Variants in DDX46 observed in about 807,000 individuals in gnomAD.
DDX46 encodes the protein DEAD-box helicase 46.
In DDX46, 30 loss-of-function variants were observed where a neutral mutation model predicts 134.9. The observed-to-expected ratio is 0.22, with a 90% CI of 0.17 to 0.30. The LOEUF (loss-of-function observed/expected upper bound fraction) is 0.30. Among genes scored for constraint, DDX46 ranks in the 10% least tolerant of loss-of-function variants. DDX46 has a pLI of 1.00. For missense variants in DDX46, 622 were observed against 1,248.7 expected (o/e 0.50, Z 7.56); for synonymous variants, 415 against 404.1 (o/e 1.03, Z -0.32).
At chr5:134,775,079 C>G (rs13163398) in intron 5 of DDX46, among the ~76,000 whole-genome samples, 1,960 of 152,158 alleles carry the variant, frequency 0.013, 43 homozygotes, top group Non-Finnish European at 0.019. Context: ...TTTGGCCTCC[C>G]ATAGTGCTGG....
chr5:134,806,341 G>C (rs900663205), intron 15 of DDX46, among the ~76,000 whole-genome samples: 9 of 152,144 alleles, frequency 5.9e-5, no homozygotes, highest in Non-Finnish European at 1.3e-4. Context: ...ACTATGTGTT[G>C]GGTTGGTATG....
chr5:134,808,863 C>A (rs897671633), intron 16 of DDX46, among the ~76,000 whole-genome samples: 13 of 152,106 alleles, frequency 8.5e-5, no homozygotes, highest in African/African-American at 3.1e-4. Context: ...TATTTATATG[C>A]CATAGCTTAC....
intron 21 of DDX46, chr5:134,826,484 T>G (rs1242682570): frequency 9.8e-5 from 15 of 152,534 alleles, no homozygotes; most frequent in Admixed American, 9.8e-4. Flanking sequence ...TATGGTATCT[T>G]TCCTCCCTCC....
intron 10 of DDX46, 88 bp from the exon 11 acceptor site, chr5:134,785,377 A>T: frequency 7.2e-7 from 1 of 1,385,028 alleles, no homozygotes; most frequent in Non-Finnish European, 9.4e-7. Context: ...AAACAATCTG[A>T]ACTTTATTGT....
chr5:134,818,121 TGTATTTTTA>T lies in DDX46; in HGVS notation c.2832+420_2832+428del, dbSNP rs779668924. Among the ~76,000 whole-genome samples, 120 of 152,028 alleles carry T rather than the reference TGTATTTTTA, an allele frequency of 7.9e-4. 1 individual carries two copies. Among genetic ancestry groups the T allele is most frequent in the Admixed American group, 8.5e-4 (13 of 15,266 alleles). On this transcript the variant is annotated intron_variant, in intron 20 of 22. Coordinates refer to ENST00000452510, the MANE Select transcript of DDX46 (RefSeq NM_001300860.2). ...TGCGCCACCATGCCCAGCTTATTTTTGTATTTTTAGTATTTTTAGTAGAGACAGGGCTTC... is the reference window on the plus strand; with the variant it reads ...TGCGCCACCATGCCCAGCTTATTTTTGTATTTTTAGTAGAGACAGGGCTTC...
chr5:134,768,921 G>C (rs1471414414), intron 3 of DDX46, among the ~76,000 whole-genome samples: 1 of 152,056 alleles, frequency 6.6e-6, no homozygotes, highest in Non-Finnish European at 1.5e-5. Context: ...AGTCAGGTGT[G>C]GTGGCACACA....
At chr5:134,775,932 C>T (rs549605096) in intron 5 of DDX46, among the ~76,000 whole-genome samples, 60 of 152,294 alleles carry the variant, frequency 3.9e-4, no homozygotes, top group Non-Finnish European at 7.9e-4. Context: ...CACCAACCCC[C>T]ACACAGTGAA....
chr5:134,781,730 G>C (rs879515585), intron 7 of DDX46, among the ~76,000 whole-genome samples, 191 bp from the exon 8 acceptor site: 2 of 152,146 alleles, frequency 1.3e-5, no homozygotes, highest in Non-Finnish European at 2.9e-5. Context: ...CATTTGAGGT[G>C]ATTTTAAAAT....
Position 134,829,002 on chromosome 5 carries a change from G to T in DDX46, c.*296G>T. On this transcript the variant is annotated 3_prime_UTR_variant, in exon 23 of 23. Coordinates refer to ENST00000452510, the MANE Select transcript of DDX46 (RefSeq NM_001300860.2). ...AGAGGTTTAAAAAATGGAAATATTT[G>T]AACTTTCTATTGAAGACAATAAAGT... 4.6e-6 allele frequency: 1 copy of T among 218,708 alleles called. No homozygotes were observed. The highest frequency in any genetic ancestry group is 8.9e-6 in the Non-Finnish European group (1 of 111,940). The allele number at this position is 218,708 out of a possible 1,614,324, so 13.5% of individuals were successfully genotyped here. A position where few individuals can be genotyped will look rare whatever the true frequency, so the allele number is the denominator to read the frequency against.
chr5:134,813,671 C>T (rs1755209132), intron 18 of DDX46, among the ~76,000 whole-genome samples: 2 of 151,994 alleles, frequency 1.3e-5, no homozygotes, highest in South Asian at 4.2e-4. Context: ...GACTCTGTTG[C>T]CCAAACTGGA....
At chr5:134,760,678 A>G (rs1439561921) in intron 1 of DDX46, among the ~76,000 whole-genome samples, 1 of 152,178 alleles carries the variant, frequency 6.6e-6, no homozygotes, top group Non-Finnish European at 1.5e-5. Flanking sequence ...TGGAGGTGAT[A>G]TAATGTGAAG....
intron 21 of DDX46, among the ~76,000 whole-genome samples, chr5:134,821,018 C>T (rs116218324): frequency 1.9e-4 from 28 of 150,414 alleles, no homozygotes; most frequent in African/African-American, 5.8e-4. Flanking sequence ...GGTGCCCCCC[C>T]GCCACACCTA....
chr5:134,780,073 A>G (rs895187207), intron 6 of DDX46, among the ~76,000 whole-genome samples: 2 of 150,582 alleles, frequency 1.3e-5, no homozygotes, highest in African/African-American at 2.5e-5. Context: ...GGGTGACAGA[A>G]TAAGACTCAG....
intron 9 of DDX46, among the ~76,000 whole-genome samples, chr5:134,783,544 C>G: frequency 6.8e-6 from 1 of 147,160 alleles, no homozygotes. Flanking sequence ...AGCCTCCATG[C>G]CCGGCCTTTT....
At chr5:134,816,009 G>A (rs2150158576) in intron 18 of DDX46, among the ~76,000 whole-genome samples, 1 of 152,244 alleles carries the variant, frequency 6.6e-6, no homozygotes, top group Admixed American at 6.5e-5. Flanking sequence ...CTGACCTTGA[G>A]TTATAGTCCT....
chr5:134,796,491 C>T (rs752227715), intron 15 of DDX46, among the ~76,000 whole-genome samples: 2 of 152,150 alleles, frequency 1.3e-5, no homozygotes, highest in African/African-American at 2.4e-5. Context: ...TTCAAAGTAA[C>T]GTTTTAATTT....
chr5:134,778,120 G>A (rs1435529531), intron 6 of DDX46, among the ~76,000 whole-genome samples: 4 of 150,156 alleles, frequency 2.7e-5, no homozygotes, highest in African/African-American at 4.9e-5. Context: ...CCAGGCCTAT[G>A]CAGTCTACCT....
At chr5:134,790,442 T>A (rs763787484) in intron 12 of DDX46, 28 bp from the exon 13 acceptor site, 1 of 1,585,390 alleles carries the variant, frequency 6.3e-7, no homozygotes, top group South Asian at 1.2e-5. Flanking sequence ...TAGTTTTCTT[T>A]TTGTCTTTAT....
chr5:134,827,144 T>C (rs1755612310), intron 22 of DDX46, 124 bp downstream of exon 22: 1 of 920,238 alleles, frequency 1.1e-6, no homozygotes, highest in Non-Finnish European at 1.6e-6. Flanking sequence ...GTAATAAGCA[T>C]ACCAGTGTAG....
Sources: allele counts gnomAD v4.1 joint callset (sites outside exome capture counted in the v4.1 genomes callset), GRCh38; gene constraint gnomAD v4.1.1; transcripts MANE v1.5; gene names NCBI Gene and HGNC (gene_info 2026-07-23, HGNC 2026-07-21).